Variants in AGAP1 observed in about 807,000 individuals in gnomAD.
AGAP1 encodes the protein ArfGAP with GTPase domain, ankyrin repeat and PH domain 1.
A neutral mutation model predicts 105.3 loss-of-function variants in AGAP1; 29 were observed. That is an observed-to-expected ratio of 0.28 (90% confidence interval 0.21 to 0.38). The LOEUF is 0.38. AGAP1 is among the 10% of genes least tolerant of loss of function. The pLI is 1.00. For missense variants in AGAP1, 998 were observed against 1,165.1 expected (o/e 0.86, Z 2.09); for synonymous variants, 509 against 485.9 (o/e 1.05, Z -0.63).
chr2:235,684,924 CTG>C (rs140477638), intron 1 of AGAP1, among the ~76,000 whole-genome samples: 4,167 of 152,258 alleles, frequency 0.027, 192 homozygotes, highest in African/African-American at 0.095. Context: ...TCTGGGATGA[CTG>C]TGGCATACAA....
rs2059006013 is a variant in AGAP1 at position 236,089,433 on chromosome 2, T to TA, written c.2115-30756dup. The stretch of plus-strand genomic sequence containing the variant: ...TTGCAAATGAACTGCATGCTGGAGA[T>TA]AAAGCGCCTACTAGGCTGCCGGGTA... On this transcript the variant is annotated intron_variant, in intron 16 of 17. Transcript: ENST00000304032. This position sits in a 1 kb window ranked among gnomAD's most constrained non-coding sequence, Gnocchi z 5.6. Among the ~76,000 whole-genome samples, 1 of 152,288 alleles carries TA rather than the reference T, an allele frequency of 6.6e-6. No individual in the cohort carries two copies. Among genetic ancestry groups the TA allele is most frequent in the South Asian group, 2.1e-4 (1 of 4,826 alleles).
Position 235,734,583 on chromosome 2 carries a change from A to C in AGAP1, c.311-6380A>C, listed in dbSNP as rs1053473747. On this transcript the variant is annotated intron_variant, in intron 3 of 17. Coordinates refer to ENST00000304032, the MANE Select transcript of AGAP1 (RefSeq NM_001037131.3). The surrounding 1 kb of genome is among the most constrained non-coding windows in gnomAD (Gnocchi z 5.3). ...ACCCTTTAAAAAGATAAAAATCAAC[A>C]GTAAAAAATGAAAGTTACAGACAGG... Among the ~76,000 whole-genome samples, 1 of 152,218 alleles carries C rather than the reference A, an allele frequency of 6.6e-6. No individual in the cohort carries two copies. Among genetic ancestry groups the C allele is most frequent in the African/African-American group, 2.4e-5 (1 of 41,454 alleles).
At chr2:235,680,276 T>A (rs1368176256) in intron 1 of AGAP1, among the ~76,000 whole-genome samples, 3 of 152,108 alleles carry the variant, frequency 2.0e-5, no homozygotes, top group African/African-American at 7.2e-5. Context: ...AATTCAAGGA[T>A]GTTGGGCCAG....
intron 12 of AGAP1, among the ~76,000 whole-genome samples, chr2:235,932,912 A>G (rs1025171193): frequency 2.0e-5 from 3 of 152,210 alleles, no homozygotes; most frequent in Non-Finnish European, 4.4e-5. Context: ...GTGAGACTAA[A>G]GTCGCCTACG....
chr2:235,788,550 G>GAAGAGCGGGAGGGTAGGT lies in AGAP1; in HGVS notation c.674-9208_674-9191dup, dbSNP rs1956786330. ...ATTGGGAGGCAAGGTGGGGCGAGGA[G>GAAGAGCGGGAGGGTAGGT]AAGAGCGGGAGGGTAGGTGAGGCCG... On this transcript the variant is annotated intron_variant, in intron 6 of 17. Coordinates refer to ENST00000304032, the MANE Select transcript of AGAP1 (RefSeq NM_001037131.3). The surrounding 1 kb of genome is among the most constrained non-coding windows in gnomAD (Gnocchi z 6.0). Among the ~76,000 whole-genome samples, 1 of 151,856 alleles carries GAAGAGCGGGAGGGTAGGT rather than the reference G, an allele frequency of 6.6e-6. No homozygotes were observed. The highest frequency in any genetic ancestry group is 2.4e-5 in the African/African-American group (1 of 41,340).
chr2:235,963,727 G>A lies in AGAP1; in HGVS notation c.1484-4735G>A, dbSNP rs1311922513. On this transcript the variant is annotated intron_variant, in intron 12 of 17. Coordinates refer to ENST00000304032, the MANE Select transcript of AGAP1 (RefSeq NM_001037131.3). The surrounding 1 kb of genome is among the most constrained non-coding windows in gnomAD (Gnocchi z 5.1). ...CACCCTGTTCACCATCTTTTTCATT[G>A]ATGTGGATGGATATATGGGAGTATA... is the stretch of plus-strand genomic sequence containing the variant. 1.3e-5 allele frequency among the ~76,000 whole-genome samples: 2 copies of A among 152,138 alleles called. No individual in the cohort carries two copies. Among genetic ancestry groups the A allele is most frequent in the African/African-American group, 4.8e-5 (2 of 41,408 alleles).
chr2:235,774,672 C>G (rs1287875581), intron 6 of AGAP1, among the ~76,000 whole-genome samples: 2 of 152,236 alleles, frequency 1.3e-5, no homozygotes, highest in Non-Finnish European at 1.5e-5. Flanking sequence ...AGCAGGCTGC[C>G]TGCATCTTTA....
intron 1 of AGAP1, among the ~76,000 whole-genome samples, chr2:235,671,993 G>A (rs1302595885): frequency 6.6e-6 from 1 of 152,066 alleles, no homozygotes; most frequent in Admixed American, 6.5e-5. Flanking sequence ...CCTGGGAGGG[G>A]GTTGTATGCC....
intron 1 of AGAP1, chr2:235,670,663 G>A: frequency 1.5e-6 from 1 of 653,376 alleles, no homozygotes; most frequent in South Asian, 1.6e-5. Context: ...CGTGCGACGA[G>A]GCCGCGGCCG....
chr2:235,831,545 A>G (rs1200935859), intron 9 of AGAP1, among the ~76,000 whole-genome samples: 1 of 152,188 alleles, frequency 6.6e-6, no homozygotes, highest in Non-Finnish European at 1.5e-5. Flanking sequence ...CCAGGATGCC[A>G]TAGAGTTGGA....
intron 9 of AGAP1, among the ~76,000 whole-genome samples, chr2:235,815,293 G>A (rs895079809): frequency 1.3e-5 from 2 of 152,228 alleles, no homozygotes; most frequent in African/African-American, 2.4e-5. Context: ...AGCAGAGCCT[G>A]TTTCTGGAGA....
Position 235,683,375 on chromosome 2 carries a change from C to A in AGAP1, c.164-25804C>A, listed in dbSNP as rs577964549. On this transcript the variant is annotated intron_variant, in intron 1 of 17. Coordinates refer to ENST00000304032, the MANE Select transcript of AGAP1 (RefSeq NM_001037131.3). ...TGGAAAGAAGTAACTATTTTAGATA[C>A]CATTGTTTTATTAAAAATGTACTTG... Among the ~76,000 whole-genome samples the A allele has an allele frequency of 1.1e-4, 16 of 152,036 alleles. No homozygotes were observed. The South Asian group carries it at 3.1e-3, about 30-fold the overall frequency.
chr2:236,077,067 G>A (rs982050870), intron 16 of AGAP1, among the ~76,000 whole-genome samples: 2 of 147,014 alleles, frequency 1.4e-5, no homozygotes, highest in African/African-American at 5.0e-5. Flanking sequence ...CTATGATTGT[G>A]CCCCTGCACT....
Position 236,128,278 on chromosome 2 carries a change from C to T in AGAP1, c.*4156C>T, listed in dbSNP as rs2060034221. 1 of 152,488 alleles carries T rather than the reference C, an allele frequency of 6.6e-6. No homozygotes were observed. Among genetic ancestry groups the T allele is most frequent in the Non-Finnish European group, 1.5e-5 (1 of 68,218 alleles). 9.4% of individuals were successfully genotyped at this position (152,488 alleles called of 1,614,324 possible). On this transcript the variant is annotated 3_prime_UTR_variant, in exon 18 of 18. Coordinates refer to ENST00000304032, the MANE Select transcript of AGAP1 (RefSeq NM_001037131.3). This position sits in a 1 kb window ranked among gnomAD's most constrained non-coding sequence, Gnocchi z 5.9. ...CGAGGAAGGGGCTGAGTTCTGCCCT[C>T]GTGCTGTTCGCTGGTGCTGATCAGG...
chr2:235,801,229 A>T lies in AGAP1; in HGVS notation c.957+1707A>T. On this transcript the variant is annotated intron_variant, in intron 8 of 17. Transcript: ENST00000304032. The surrounding 1 kb of genome is among the most constrained non-coding windows in gnomAD (Gnocchi z 6.0). The stretch of plus-strand genomic sequence containing the variant: ...CCATCCCGGCCTCCGCTGCTGACGG[A>T]TGTTTGACCTTAGGCAAATTACTTG... Among the ~76,000 whole-genome samples, 1 of 152,100 alleles carries T rather than the reference A, an allele frequency of 6.6e-6. No individual in the cohort carries two copies. The highest frequency in any genetic ancestry group is 1.9e-4 in the East Asian group (1 of 5,156).
intron 3 of AGAP1, among the ~76,000 whole-genome samples, chr2:235,730,477 T>TA (rs11388954): frequency 0.62 from 77,246 of 123,788 alleles, 26,310 homozygotes; most frequent in East Asian, 0.8. Context: ...GTTTACCTTT[T>TA]AAAAAAAAAA....
chr2:235,882,131 T>C lies in AGAP1; in HGVS notation c.1051-1214T>C, dbSNP rs2050055927. ...TGTTCTTTTTGGCTACAAGGTGTGTTTTATTTTCATTATTCATAGAAATAA... is the reference window on the plus strand; with the variant it reads ...TGTTCTTTTTGGCTACAAGGTGTGTCTTATTTTCATTATTCATAGAAATAA... On this transcript the variant is annotated intron_variant, in intron 9 of 17. Coordinates refer to ENST00000304032, the MANE Select transcript of AGAP1 (RefSeq NM_001037131.3). This position sits in a 1 kb window ranked among gnomAD's most constrained non-coding sequence, Gnocchi z 4.6. 6.6e-6 allele frequency among the ~76,000 whole-genome samples: 1 copy of C among 152,152 alleles called. No homozygotes were observed. The highest frequency in any genetic ancestry group is 1.5e-5 in the Non-Finnish European group (1 of 68,046).
At chr2:235,649,525 C>G (rs1947510405) in intron 1 of AGAP1, among the ~76,000 whole-genome samples, 1 of 152,122 alleles carries the variant, frequency 6.6e-6, no homozygotes, top group Admixed American at 6.5e-5. Flanking sequence ...AGGTGCGCAT[C>G]TCTACACTCA....
At chr2:235,909,690 G>T (rs2051482455) in intron 11 of AGAP1, among the ~76,000 whole-genome samples, 1 of 152,144 alleles carries the variant, frequency 6.6e-6, no homozygotes, top group Non-Finnish European at 1.5e-5. Context: ...AGAAAGTCCA[G>T]AACTTTCTTC....
Sources: gnomAD v4.1 joint callset for allele counts (sites outside exome capture counted in the v4.1 genomes callset) on GRCh38, gnomAD v4.1.1 for gene constraint, Gnocchi (gnomAD v3.1) non-coding constraint, MANE v1.5 for transcripts, NCBI Gene and HGNC (gene_info 2026-07-23, HGNC 2026-07-21) for gene names.